Variants in ASTN2 observed in about 807,000 individuals in gnomAD.
ASTN2 encodes astrotactin 2.
Under a neutral mutation model 139.8 loss-of-function variants are expected in ASTN2, and 54 were observed. The observed-to-expected ratio is 0.39, with a 90% confidence interval of 0.31 to 0.48. The LOEUF is 0.48. Ranked by LOEUF, ASTN2 falls within the 20% of genes least tolerant of loss-of-function variation. The pLI is 0.95. For synonymous variants in ASTN2, 756 were observed against 719.5 expected, an observed-to-expected ratio of 1.05 and a Z score of -0.81; for missense variants, 1,565 against 1,725.1, an observed-to-expected ratio of 0.91 and a Z score of 1.64.
At chr9:117,386,113 C>T (rs1440436198) in intron 1 of ASTN2, among the ~76,000 whole-genome samples, 1 of 151,740 alleles carries the variant, frequency 6.6e-6, no homozygotes, top group Non-Finnish European at 1.5e-5. Flanking sequence ...GAGAAGCTGT[C>T]ACTCTTTGAC....
intron 19 of ASTN2, among the ~76,000 whole-genome samples, chr9:116,496,276 A>G (rs1849666499): frequency 6.6e-6 from 1 of 152,154 alleles, no homozygotes; most frequent in African/African-American, 2.4e-5. Flanking sequence ...TTTTCCATAA[A>G]TATTTATATA....
At chr9:116,745,808 A>G (rs1829218172) in intron 13 of ASTN2, among the ~76,000 whole-genome samples, 1 of 152,228 alleles carries the variant, frequency 6.6e-6, no homozygotes, top group Non-Finnish European at 1.5e-5. Context: ...TAACACAAAT[A>G]TGTCATTAGC....
At chr9:116,835,694 T>G (rs1372796493) in intron 11 of ASTN2, among the ~76,000 whole-genome samples, 1 of 152,202 alleles carries the variant, frequency 6.6e-6, no homozygotes, top group Non-Finnish European at 1.5e-5. Flanking sequence ...TTTCAGGACC[T>G]TCTGAGGGCT....
At chr9:116,942,531 C>A (rs1442566524) in intron 10 of ASTN2, among the ~76,000 whole-genome samples, 1 of 152,152 alleles carries the variant, frequency 6.6e-6, no homozygotes, top group Non-Finnish European at 1.5e-5. Context: ...TATCATATCA[C>A]CACTTGTATT....
chr9:117,050,601 A>G (rs1191866602), intron 5 of ASTN2, among the ~76,000 whole-genome samples: 1 of 152,152 alleles, frequency 6.6e-6, no homozygotes, highest in East Asian at 1.9e-4. Context: ...GGTTTAATTG[A>G]CTAGTAAGGA....
intron 13 of ASTN2, among the ~76,000 whole-genome samples, chr9:116,800,558 T>A (rs1255787287): frequency 1.3e-5 from 2 of 152,078 alleles, no homozygotes; most frequent in Non-Finnish European, 2.9e-5. Flanking sequence ...TAGTTATAAA[T>A]TTGGTCTCCC....
chr9:116,502,746 TGAGG>T (rs1480845544), intron 19 of ASTN2, among the ~76,000 whole-genome samples: 3 of 52,426 alleles, frequency 5.7e-5, no homozygotes, highest in African/African-American at 2.4e-4. Flanking sequence ...AATGAATGAA[TGAGG>T]GAAGGAAGGA....
chr9:116,892,480 G>T (rs940784639), intron 10 of ASTN2, among the ~76,000 whole-genome samples: 2 of 152,148 alleles, frequency 1.3e-5, no homozygotes, highest in Non-Finnish European at 2.9e-5. Context: ...AGTGGGTGGG[G>T]TGGCTGGGAG....
chr9:117,174,122 A>G (rs545862439), intron 3 of ASTN2, among the ~76,000 whole-genome samples: 6 of 135,262 alleles, frequency 4.4e-5, no homozygotes, highest in Admixed American at 7.6e-5. Flanking sequence ...TAGCTAGCTA[A>G]CTAGATAGAT....
intron 19 of ASTN2, chr9:116,584,825 A>G (rs1451176622): frequency 6.6e-6 from 1 of 152,196 alleles, no homozygotes; most frequent in Non-Finnish European, 1.5e-5. Flanking sequence ...CCAACACTGG[A>G]GGCATGTTAC....
At chr9:117,189,307 A>G (rs1224292699) in intron 3 of ASTN2, among the ~76,000 whole-genome samples, 1 of 152,194 alleles carries the variant, frequency 6.6e-6, no homozygotes, top group African/African-American at 2.4e-5. Context: ...GCAATCTCCT[A>G]TGATGAGTCA....
chr9:116,921,811 A>G (rs1834619323), intron 10 of ASTN2, among the ~76,000 whole-genome samples: 1 of 152,154 alleles, frequency 6.6e-6, no homozygotes, highest in Non-Finnish European at 1.5e-5. Context: ...CTCACTCACC[A>G]TTATGAGAAC....
At chr9:117,023,969 G>T (rs1214502842) in intron 6 of ASTN2, among the ~76,000 whole-genome samples, 2 of 152,080 alleles carry the variant, frequency 1.3e-5, no homozygotes, top group Non-Finnish European at 2.9e-5. Flanking sequence ...CTTACTGAGG[G>T]TGCGAGGTTG....
intron 19 of ASTN2, among the ~76,000 whole-genome samples, chr9:116,523,092 G>T (rs922392580): frequency 1.3e-5 from 2 of 152,012 alleles, no homozygotes; most frequent in Non-Finnish European, 2.9e-5. Context: ...CTATTATAAT[G>T]TTGTAGGAGA....
chr9:117,209,791 A>T (rs1832059759), intron 3 of ASTN2, among the ~76,000 whole-genome samples: 1 of 152,186 alleles, frequency 6.6e-6, no homozygotes, highest in African/African-American at 2.4e-5. Flanking sequence ...CTCCAGGATT[A>T]GCCATACGTT....
chr9:116,510,552 G>A, intron 19 of ASTN2, among the ~76,000 whole-genome samples: 1 of 152,266 alleles, frequency 6.6e-6, no homozygotes, highest in South Asian at 2.1e-4. Context: ...GGCATTGGTA[G>A]CTTGCTGGGG....
intron 5 of ASTN2, among the ~76,000 whole-genome samples, chr9:117,090,572 G>A (rs1330851984): frequency 6.6e-6 from 1 of 152,232 alleles, no homozygotes; most frequent in Non-Finnish European, 1.5e-5. Context: ...ATTTAGTTTG[G>A]AGCTCAGAAT....
chr9:117,192,519 T>G (rs1831376941), intron 3 of ASTN2, among the ~76,000 whole-genome samples: 1 of 152,156 alleles, frequency 6.6e-6, no homozygotes, highest in Admixed American at 6.6e-5. Context: ...AGAAATAAAT[T>G]AAGCTCAAAT....
At chr9:116,782,922 G>T (rs779817639) in intron 13 of ASTN2, among the ~76,000 whole-genome samples, 1 of 152,092 alleles carries the variant, frequency 6.6e-6, no homozygotes, top group Admixed American at 6.6e-5. Context: ...TCAGTTTATC[G>T]AATTTCACTC....
Sources: allele counts gnomAD v4.1 joint callset (sites outside exome capture counted in the v4.1 genomes callset), GRCh38; gene constraint gnomAD v4.1.1; transcripts MANE v1.5; gene names NCBI Gene and HGNC (gene_info 2026-07-23, HGNC 2026-07-21).